CACNB2: variants seen among roughly 807,000 people sequenced by gnomAD.
CACNB2 encodes the protein voltage-dependent L-type calcium channel subunit beta-2.
Under a neutral mutation model 73.3 loss-of-function variants are expected in CACNB2, and 42 were observed. That is an observed-to-expected ratio of 0.57 (90% CI 0.45 to 0.74). CACNB2 has a LOEUF of 0.74. Among genes scored for constraint, CACNB2 ranks in the 30% least tolerant of loss-of-function variants. The pLI is 0.00. For synonymous variants in CACNB2, 348 were observed against 310.3 expected (o/e 1.12, Z -1.28); for missense variants, 940 against 853.0 (o/e 1.10, Z -1.27).
intron 3 of CACNB2, among the ~76,000 whole-genome samples, chr10:18,494,404 T>C (rs1444391514): frequency 7.2e-5 from 11 of 151,944 alleles, no homozygotes; most frequent in South Asian, 4.2e-4. Context: ...CCGAGGTGGG[T>C]GGATCACAAG....
chr10:18,407,707 T>G, intron 3 of CACNB2, among the ~76,000 whole-genome samples: 1 of 152,158 alleles, frequency 6.6e-6, no homozygotes, highest in Non-Finnish European at 1.5e-5. Context: ...TTTTTCTCAC[T>G]TTTTCTCCAT....
At chr10:18,390,900 C>T (rs2043438906) in intron 2 of CACNB2, among the ~76,000 whole-genome samples, 1 of 152,224 alleles carries the variant, frequency 6.6e-6, no homozygotes, top group African/African-American at 2.4e-5. Context: ...GAATTATTTA[C>T]ATGCCTTGCC....
chr10:18,375,848 A>G (rs2042777016), intron 2 of CACNB2, among the ~76,000 whole-genome samples: 1 of 152,228 alleles, frequency 6.6e-6, no homozygotes. Context: ...TTTGGACAAC[A>G]GAAATATTTT....
At chr10:18,478,080 G>A (rs546178402) in intron 3 of CACNB2, among the ~76,000 whole-genome samples, 31 of 151,862 alleles carry the variant, frequency 2.0e-4, no homozygotes, top group Admixed American at 3.3e-4. Context: ...TACAGGCAGC[G>A]GCCACCACGC....
At chr10:18,255,994 G>A (rs74117933) in intron 2 of CACNB2, among the ~76,000 whole-genome samples, 11,414 of 152,162 alleles carry the variant, frequency 0.075, 565 homozygotes, top group East Asian at 0.22. Context: ...AACATAGAAA[G>A]TGAATAGTAA....
chr10:18,217,641 G>C (rs1007499007), intron 2 of CACNB2, among the ~76,000 whole-genome samples: 3 of 151,826 alleles, frequency 2.0e-5, no homozygotes, highest in Non-Finnish European at 1.5e-5. Flanking sequence ...CTCACTGACA[G>C]AGTGACATTT....
At chr10:18,409,393 C>T (rs1409619894) in intron 3 of CACNB2, among the ~76,000 whole-genome samples, 6 of 152,098 alleles carry the variant, frequency 3.9e-5, no homozygotes, top group Non-Finnish European at 5.9e-5. Flanking sequence ...CTGCCTCAAC[C>T]TCCCAAACTG....
intron 2 of CACNB2, among the ~76,000 whole-genome samples, chr10:18,252,994 G>C (rs1401793499): frequency 6.6e-6 from 1 of 152,198 alleles, no homozygotes; most frequent in Non-Finnish European, 1.5e-5. Flanking sequence ...GAGAAGGTAG[G>C]AAGAGGTTTA....
intron 3 of CACNB2, among the ~76,000 whole-genome samples, chr10:18,433,478 G>C (rs2045986718): frequency 6.6e-6 from 1 of 152,132 alleles, no homozygotes; most frequent in Non-Finnish European, 1.5e-5. Context: ...CAAGCACTTA[G>C]GAAAAATAGC....
At chr10:18,330,659 A>C (rs2040763041) in intron 2 of CACNB2, among the ~76,000 whole-genome samples, 3 of 152,124 alleles carry the variant, frequency 2.0e-5, no homozygotes, top group Admixed American at 2.0e-4. Flanking sequence ...CTAAAGGTTA[A>C]AATTAAAACT....
chr10:18,393,066 G>A (rs2043553229), intron 2 of CACNB2, among the ~76,000 whole-genome samples: 1 of 152,028 alleles, frequency 6.6e-6, no homozygotes, highest in South Asian at 2.1e-4. Context: ...AAAATTAGCT[G>A]GGCATGGTGG....
intron 2 of CACNB2, among the ~76,000 whole-genome samples, chr10:18,297,072 T>C (rs1385750161): frequency 6.6e-6 from 1 of 152,238 alleles, no homozygotes; most frequent in Non-Finnish European, 1.5e-5. Flanking sequence ...GCCCTTTCTT[T>C]TCCAATCCTA....
chr10:18,509,242 T>G (rs920244544), intron 6 of CACNB2, among the ~76,000 whole-genome samples: 18 of 152,248 alleles, frequency 1.2e-4, no homozygotes, highest in Non-Finnish European at 4.4e-5. Flanking sequence ...TGGATGGGTC[T>G]GTAATGATCA....
intron 2 of CACNB2, among the ~76,000 whole-genome samples, chr10:18,208,154 C>T (rs117199472): frequency 6.0e-4 from 92 of 152,240 alleles, no homozygotes; most frequent in Non-Finnish European, 9.7e-4. Flanking sequence ...AGCCTTTAGC[C>T]ATTTAGAAGG....
intron 2 of CACNB2, among the ~76,000 whole-genome samples, chr10:18,372,891 A>T (rs907020563): frequency 2.6e-5 from 4 of 152,204 alleles, no homozygotes; most frequent in Admixed American, 2.6e-4. Flanking sequence ...CTTAGCTACT[A>T]TTACTCTTAG....
At chr10:18,353,088 T>C (rs1388977637) in intron 2 of CACNB2, among the ~76,000 whole-genome samples, 2 of 152,234 alleles carry the variant, frequency 1.3e-5, no homozygotes, top group South Asian at 2.1e-4. Context: ...TAATTCTACA[T>C]GTTTTAAAAT....
chr10:18,164,756 G>A (rs1175920414), intron 2 of CACNB2, among the ~76,000 whole-genome samples: 1 of 151,940 alleles, frequency 6.6e-6, no homozygotes, highest in East Asian at 1.9e-4. Context: ...GAATAACTCT[G>A]GATTTAGGAC....
At chr10:18,143,828 A>G (rs189940132) in intron 1 of CACNB2, among the ~76,000 whole-genome samples, 13 of 152,306 alleles carry the variant, frequency 8.5e-5, no homozygotes, top group African/African-American at 3.1e-4. Context: ...TTACAAATGG[A>G]ACCTCTAAAG....
intron 2 of CACNB2, among the ~76,000 whole-genome samples, chr10:18,348,573 G>C (rs1180964609): frequency 1.3e-5 from 2 of 152,104 alleles, no homozygotes; most frequent in Admixed American, 6.5e-5. Context: ...GAGTGCAGTG[G>C]CCTGATCTCG....
Sources: gnomAD v4.1 joint callset for allele counts (sites outside exome capture counted in the v4.1 genomes callset) on GRCh38, gnomAD v4.1.1 for gene constraint, MANE v1.5 for transcripts, NCBI Gene and HGNC (gene_info 2026-07-23, HGNC 2026-07-21) for gene names.